Variants in SV2C observed in about 807,000 individuals in gnomAD.
SV2C encodes the protein synaptic vesicle glycoprotein 2C.
Under a neutral mutation model 79.7 loss-of-function variants are expected in SV2C, and 49 were observed. That is an observed-to-expected ratio of 0.61 (90% CI 0.49 to 0.78). SV2C has a LOEUF of 0.78. Ranked by LOEUF, SV2C falls within the 30% of genes least tolerant of loss-of-function variation. The pLI is 0.00. For synonymous variants in SV2C, 334 were observed against 333.2 expected, an observed-to-expected ratio of 1.00 and a Z score of -0.03; for missense variants, 833 against 912.9, an observed-to-expected ratio of 0.91 and a Z score of 1.13.
At chr5:76,255,319 C>T (rs1431287140) in intron 4 of SV2C, among the ~76,000 whole-genome samples, 1 of 152,210 alleles carries the variant, frequency 6.6e-6, no homozygotes, top group Non-Finnish European at 1.5e-5. Flanking sequence ...AATTCACAAA[C>T]GCATTCTGGT....
chr5:75,990,609 T>G, the SV2C span, among the ~76,000 whole-genome samples: 1 of 151,588 alleles, frequency 6.6e-6, no homozygotes, highest in African/African-American at 2.4e-5. Flanking sequence ...GGACTAGGAG[T>G]AGAAAAGTCC....
At chr5:76,148,936 G>T (rs536469734) in intron 2 of SV2C, among the ~76,000 whole-genome samples, 1 of 152,266 alleles carries the variant, frequency 6.6e-6, no homozygotes, top group Non-Finnish European at 1.5e-5. Context: ...TGCACAATTT[G>T]AGCCTGTTTT....
intron 2 of SV2C, among the ~76,000 whole-genome samples, chr5:76,169,804 G>T (rs1474817996): frequency 6.6e-6 from 1 of 152,182 alleles, no homozygotes; most frequent in Non-Finnish European, 1.5e-5. Flanking sequence ...TAGGTAGCCA[G>T]ATCATTTGGC....
the SV2C span, among the ~76,000 whole-genome samples, chr5:75,944,013 G>A: frequency 6.6e-5 from 10 of 152,098 alleles, no homozygotes; most frequent in Admixed American, 4.6e-4. Flanking sequence ...AGAAAACAAA[G>A]ATAACTAATT....
chr5:75,978,746 G>A, the SV2C span, among the ~76,000 whole-genome samples: 2 of 152,294 alleles, frequency 1.3e-5, no homozygotes, highest in East Asian at 1.9e-4. Context: ...CTTGAAAGAG[G>A]TGAAAGATAT....
the SV2C span, among the ~76,000 whole-genome samples, chr5:75,921,841 A>G: frequency 6.6e-6 from 1 of 152,028 alleles, no homozygotes; most frequent in Non-Finnish European, 1.5e-5. Flanking sequence ...TTAAGCCTGT[A>G]AAGTCTAAAA....
At chr5:76,130,532 G>T (rs759619679) in intron 1 of SV2C, among the ~76,000 whole-genome samples, 2 of 152,192 alleles carry the variant, frequency 1.3e-5, no homozygotes, top group Non-Finnish European at 2.9e-5. Flanking sequence ...ATAGCTTAAG[G>T]CTTGGGGAGT....
chr5:76,234,497 C>CT (rs1429361410), intron 4 of SV2C, among the ~76,000 whole-genome samples: 1 of 152,084 alleles, frequency 6.6e-6, no homozygotes. Flanking sequence ...GAATCAAATG[C>CT]TTTATGTCTT....
the SV2C span, among the ~76,000 whole-genome samples, chr5:75,958,741 T>C: frequency 0.65 from 98,973 of 151,660 alleles, 33,761 homozygotes; most frequent in African/African-American, 0.8. Context: ...ACTCTATCAT[T>C]ATGCTTGAAA....
chr5:76,172,034 G>A (rs1485828369), intron 2 of SV2C, among the ~76,000 whole-genome samples: 6 of 109,554 alleles, frequency 5.5e-5, no homozygotes, highest in African/African-American at 2.1e-4. Context: ...GGGAGGTGAG[G>A]GGCGCCTCTG....
At chr5:75,879,787 C>T in the SV2C span, among the ~76,000 whole-genome samples, 2 of 152,186 alleles carry the variant, frequency 1.3e-5, no homozygotes, top group African/African-American at 4.8e-5. Context: ...GACTTCAGTT[C>T]CACATTTCTC....
At chr5:76,322,505 T>C (rs191929576) in intron 12 of SV2C, among the ~76,000 whole-genome samples, 13 of 152,266 alleles carry the variant, frequency 8.5e-5, no homozygotes, top group Admixed American at 7.2e-4. Flanking sequence ...CCAACTACCA[T>C]TGACATTCTT....
intron 2 of SV2C, among the ~76,000 whole-genome samples, chr5:76,157,491 A>G (rs1342589061): frequency 1.3e-5 from 2 of 152,066 alleles, no homozygotes; most frequent in Non-Finnish European, 2.9e-5. Context: ...ATATATGTGT[A>G]AAAGACAGTA....
chr5:76,348,168 T>C lies in SV2C; in HGVS notation c.2001-4962T>C, dbSNP rs553609203. ...TCCAAATGTCATATAGTTAGAATCA[T>C]ACAGTATGTAGCCTTTTCAGATTGG... On this transcript the variant is annotated intron_variant, in intron 12 of 12. Transcript: ENST00000322285. Among the ~76,000 whole-genome samples, 69 of 152,366 alleles carry C rather than the reference T, an allele frequency of 4.5e-4. 1 individual carries two copies. The Middle Eastern group carries it at 0.01, about 23-fold the overall frequency.
chr5:76,154,494 G>A (rs1393088516), intron 2 of SV2C, among the ~76,000 whole-genome samples: 3 of 152,158 alleles, frequency 2.0e-5, no homozygotes, highest in African/African-American at 7.2e-5. Flanking sequence ...TCACTAGGTG[G>A]TATTCAGCAT....
chr5:76,139,579 T>A (rs1288737938), intron 2 of SV2C, among the ~76,000 whole-genome samples: 1 of 152,314 alleles, frequency 6.6e-6, no homozygotes, highest in East Asian at 1.9e-4. Flanking sequence ...TTTAGTGTGC[T>A]GACATATCGG....
rs530225947 is a variant in SV2C, at chr5:76,148,073, G to A, written c.580+15743G>A. 9.9e-4 allele frequency among the ~76,000 whole-genome samples: 151 copies of A among 152,300 alleles called. 2 individuals carry two copies. The highest frequency in any genetic ancestry group is 8.8e-5 in the Non-Finnish European group (6 of 68,030). Reference sequence around the variant, plus strand: ...ATTAAGAATTATATATTAAATAAGAGCAAATAGTTATGGAGTCATTGCTTG... The same window carrying A: ...ATTAAGAATTATATATTAAATAAGAACAAATAGTTATGGAGTCATTGCTTG... On this transcript the variant is annotated intron_variant, in intron 2 of 12. Coordinates refer to ENST00000502798, the MANE Select transcript of SV2C (RefSeq NM_014979.4).
At chr5:75,970,809 C>T in the SV2C span, among the ~76,000 whole-genome samples, 1 of 152,116 alleles carries the variant, frequency 6.6e-6, no homozygotes, top group South Asian at 2.1e-4. Context: ...AGGGAATCCT[C>T]CCTAACTCAT....
Position 76,101,338 on chromosome 5 carries a change from C to G in SV2C, c.-102+17826C>G, listed in dbSNP as rs145967687. On this transcript the variant is annotated intron_variant, in intron 1 of 12. Coordinates refer to ENST00000502798, the MANE Select transcript of SV2C (RefSeq NM_014979.4). Reference sequence around the variant, plus strand: ...AAATCAGGTGTACAGTGGCTTAGGTCAGGAACAGCCTTGAGGTAGAAATAC... The same window carrying G: ...AAATCAGGTGTACAGTGGCTTAGGTGAGGAACAGCCTTGAGGTAGAAATAC... Among the ~76,000 whole-genome samples the G allele has an allele frequency of 7.1e-4, 108 of 152,264 alleles. No homozygotes were observed. The East Asian group carries it at 8.3e-3, about 12-fold the overall frequency.
Sources: gnomAD v4.1 joint callset for allele counts (sites outside exome capture counted in the v4.1 genomes callset) on GRCh38, gnomAD v4.1.1 for gene constraint, MANE v1.5 for transcripts, NCBI Gene and HGNC (gene_info 2026-07-23, HGNC 2026-07-21) for gene names.